PHYHIPL: variants seen among roughly 807,000 people sequenced by gnomAD.
PHYHIPL encodes the protein phytanoyl-CoA 2-hydroxylase interacting protein like, also known as phytanoyl-CoA hydroxylase-interacting protein-like.
A neutral mutation model predicts 33.4 loss-of-function variants in PHYHIPL; 9 were observed. That is an observed-to-expected ratio of 0.27 (90% CI 0.16 to 0.47). The LOEUF is 0.47. PHYHIPL is among the 20% of genes least tolerant of loss of function. The probability of loss-of-function intolerance (pLI) is 0.99; values close to 1 mark genes in which losing one functional copy is unlikely to be tolerated. For synonymous variants in PHYHIPL, 153 were observed against 154.1 expected, an observed-to-expected ratio of 0.99 and a Z score of 0.05; for missense variants, 365 against 460.7, an observed-to-expected ratio of 0.79 and a Z score of 1.90.
rs1554799094 is a variant in PHYHIPL at position 59,227,975 on chromosome 10, G to GATATATATATATATATATAT, written c.107-6317_107-6316insATATATATATATATATATAT. ...TAAGATTTTAATTTTTGCCTATTGA[G>GATATATATATATATATATAT]ATATATATATATGTTTTAAATAACA... On this transcript the variant is annotated intron_variant, in intron 1 of 4. Transcript: ENST00000373880. Among the ~76,000 whole-genome samples the GATATATATATATATATATAT allele has an allele frequency of 5.8e-3, 841 of 145,512 alleles. 17 individuals carry two copies. Among genetic ancestry groups the GATATATATATATATATATAT allele is most frequent in the African/African-American group, 0.02 (751 of 37,602 alleles).
chr10:59,209,749 C>T (rs556036610), intron 1 of PHYHIPL, among the ~76,000 whole-genome samples: 1 of 152,228 alleles, frequency 6.6e-6, no homozygotes, highest in African/African-American at 2.4e-5. Flanking sequence ...GAACAGATGC[C>T]TCAGAAATAA....
intron 1 of PHYHIPL, among the ~76,000 whole-genome samples, chr10:59,217,422 A>C (rs572288843): frequency 6.6e-6 from 1 of 152,130 alleles, no homozygotes; most frequent in African/African-American, 2.4e-5. Context: ...TATTTTTAAG[A>C]TGCAAATTTT....
intron 1 of PHYHIPL, among the ~76,000 whole-genome samples, chr10:59,219,452 C>CA (rs1839702917): frequency 6.6e-6 from 1 of 152,078 alleles, no homozygotes; most frequent in Non-Finnish European, 1.5e-5. Context: ...TTGCAGAGTT[C>CA]ATGAAGCTGC....
rs1427980928 is a variant in PHYHIPL at position 59,246,732 on chromosome 10, A to T, written c.*1141A>T. 5.0e-6 allele frequency: 2 copies of T among 397,040 alleles called. No homozygotes were observed. The highest frequency in any genetic ancestry group is 4.1e-5 in the African/African-American group (2 of 48,598). The allele number at this position is 397,040 out of a possible 1,614,324, so 24.6% of individuals were successfully genotyped here. A position where few individuals can be genotyped will look rare whatever the true frequency, so the allele number is the denominator to read the frequency against. ...AGCTCATGGGAAATGTTTTGACTTT[A>T]CAAAGTATAGATGTTGGAACATTAA... is the stretch of plus-strand genomic sequence containing the variant. On this transcript the variant is annotated 3_prime_UTR_variant, in exon 5 of 5. Coordinates refer to ENST00000373880, the MANE Select transcript of PHYHIPL (RefSeq NM_032439.4).
At chr10:59,185,176 G>C (rs1838548119) in intron 1 of PHYHIPL, among the ~76,000 whole-genome samples, 1 of 151,568 alleles carries the variant, frequency 6.6e-6, no homozygotes, top group Non-Finnish European at 1.5e-5. Context: ...ATTTTTAGTA[G>C]AGACGGGGTT....
At chr10:59,186,893 A>C (rs1315382870) in intron 1 of PHYHIPL, among the ~76,000 whole-genome samples, 1 of 152,208 alleles carries the variant, frequency 6.6e-6, no homozygotes, top group Non-Finnish European at 1.5e-5. Context: ...TAGATATACA[A>C]TCATGTCATC....
At chr10:59,216,430 C>T (rs567277967) in intron 1 of PHYHIPL, among the ~76,000 whole-genome samples, 5 of 152,116 alleles carry the variant, frequency 3.3e-5, no homozygotes, top group African/African-American at 4.8e-5. Flanking sequence ...TTTTGGATAT[C>T]GGGAGGATCC....
At chr10:59,217,984 A>G (rs1263823666) in intron 1 of PHYHIPL, among the ~76,000 whole-genome samples, 1 of 152,114 alleles carries the variant, frequency 6.6e-6, no homozygotes, top group Non-Finnish European at 1.5e-5. Context: ...TGACCGTCCA[A>G]AGAAAAATTT....
At position 59,214,916 on chromosome 10, in the gene PHYHIPL, A is replaced by T. The variant is rs114495397; in HGVS notation, c.107-19388A>T. Reference sequence around the variant, plus strand: ...TAGACAGGGCAGATAACAAGGATATATACATAGAACATTCTAGATGGATAC... The same window carrying T: ...TAGACAGGGCAGATAACAAGGATATTTACATAGAACATTCTAGATGGATAC... On this transcript the variant is annotated intron_variant, in intron 1 of 4. Transcript: ENST00000373880. Among the ~76,000 whole-genome samples the T allele has an allele frequency of 3.3e-3, 495 of 152,190 alleles. 3 individuals carry two copies. Among genetic ancestry groups the T allele is most frequent in the African/African-American group, 0.011 (456 of 41,564 alleles).
intron 1 of PHYHIPL, among the ~76,000 whole-genome samples, chr10:59,177,973 T>C (rs1480169733): frequency 6.6e-6 from 1 of 152,184 alleles, no homozygotes; most frequent in Non-Finnish European, 1.5e-5. Flanking sequence ...ATAGAGGTAA[T>C]GATTGTAAAA....
At chr10:59,234,037 T>A (rs1470598974) in intron 1 of PHYHIPL, among the ~76,000 whole-genome samples, 4 of 151,734 alleles carry the variant, frequency 2.6e-5, no homozygotes, top group Non-Finnish European at 4.4e-5. Flanking sequence ...TAGAGCAAAA[T>A]TGATTGGTCA....
chr10:59,190,399 T>G (rs1415661467), intron 1 of PHYHIPL, among the ~76,000 whole-genome samples: 1 of 151,884 alleles, frequency 6.6e-6, no homozygotes, highest in Non-Finnish European at 1.5e-5. Flanking sequence ...AAATGTTTCA[T>G]TTGAGGGTAA....
chr10:59,239,774 AAGGCTTTTAAAATGGCAAATGCTATAT>A (rs2133296483), intron 4 of PHYHIPL, among the ~76,000 whole-genome samples: 1 of 152,138 alleles, frequency 6.6e-6, no homozygotes, highest in African/African-American at 2.4e-5. Flanking sequence ...TAGTCTCACT[AAGGCTTTTAAAATGGCAAATGCTATAT>A]AGGTTGTAAA....
chr10:59,176,331 A>G (rs1488167483), upstream of PHYHIPL, among the ~76,000 whole-genome samples: 1 of 152,116 alleles, frequency 6.6e-6, no homozygotes, highest in Non-Finnish European at 1.5e-5. Flanking sequence ...GAGAGCAGAC[A>G]GAAGACGCCA....
upstream of PHYHIPL, chr10:59,176,539 T>C: frequency 2.3e-5 from 1 of 44,346 alleles, no homozygotes; most frequent in African/African-American, 5.5e-4. Flanking sequence ...CCCGCGCGCG[T>C]GCGCGCGTCG....
chr10:59,211,690 AG>A (rs1461146667), intron 1 of PHYHIPL, among the ~76,000 whole-genome samples: 5 of 143,994 alleles, frequency 3.5e-5, no homozygotes, highest in East Asian at 2.1e-4. Context: ...AAAAAAAAAA[AG>A]GTATTACAAA....
At chr10:59,211,131 G>A (rs1044450809) in intron 1 of PHYHIPL, among the ~76,000 whole-genome samples, 1 of 152,020 alleles carries the variant, frequency 6.6e-6, no homozygotes, top group Non-Finnish European at 1.5e-5. Context: ...CCTGTGCTTT[G>A]GGAGGCCGAG....
Position 59,243,604 on chromosome 10 carries a change from G to A in PHYHIPL, c.597-1453G>A, listed in dbSNP as rs574955415. ...AGGTGGTTTTCAGGTGGTAGAATTC[G>A]AGACCCATTGCTGCTAAATTCAGAG... On this transcript the variant is annotated intron_variant, in intron 4 of 4. Transcript: ENST00000373880. Among the ~76,000 whole-genome samples, 7 of 152,136 alleles carry A rather than the reference G, an allele frequency of 4.6e-5. No homozygotes were observed. In the South Asian group the frequency reaches 8.3e-4, roughly 18 times the overall value.
intron 4 of PHYHIPL, among the ~76,000 whole-genome samples, chr10:59,241,309 A>C (rs1461975450): frequency 6.6e-6 from 1 of 151,382 alleles, no homozygotes. Flanking sequence ...TTTATAATCC[A>C]TTTTGAATTA....
Sources: allele counts gnomAD v4.1 joint callset (sites outside exome capture counted in the v4.1 genomes callset), GRCh38; gene constraint gnomAD v4.1.1; transcripts MANE v1.5; gene names NCBI Gene and HGNC (gene_info 2026-07-23, HGNC 2026-07-21).